EIF2AK4: variants seen among roughly 807,000 people sequenced by gnomAD.
EIF2AK4 encodes eukaryotic translation initiation factor 2 alpha kinase 4.
EIF2AK4 carries 139 observed loss-of-function variants against 211.1 expected under a neutral mutation model. That is an observed-to-expected ratio of 0.66 (90% CI 0.57 to 0.76). The LOEUF (loss-of-function observed/expected upper bound fraction) is 0.76. Ranked by LOEUF, EIF2AK4 falls within the 30% of genes least tolerant of loss-of-function variation. The probability of loss-of-function intolerance (pLI) is 0.00; values close to 1 mark genes in which losing one functional copy is unlikely to be tolerated. For missense variants in EIF2AK4, 1,664 were observed against 2,043.8 expected (o/e 0.81, Z 3.58); for synonymous variants, 710 against 751.3 (o/e 0.94, Z 0.90).
At chr15:39,974,640 T>C (rs778642543) in intron 11 of EIF2AK4, 1 of 152,240 alleles carries the variant, frequency 6.6e-6, no homozygotes, top group Non-Finnish European at 1.5e-5. Context: ...TAACACAATA[T>C]CATTTTGATC....
rs751247185 is a variant in EIF2AK4 at position 39,976,730 on chromosome 15, G to GCACT, written c.2136_2139dup (p.Ser714HisfsTer21). 4 of 1,602,116 alleles carry GCACT rather than the reference G, an allele frequency of 2.5e-6. No individual in the cohort carries two copies. The highest frequency in any genetic ancestry group is 3.4e-6 in the Non-Finnish European group (4 of 1,177,296). Reference sequence around the variant, plus strand: ...ATCCTCAGCAGCTCGGTGGAGTGGAGCACTTCGGGCGAGCGCTCGGCCAGT... The same window carrying GCACT: ...ATCCTCAGCAGCTCGGTGGAGTGGAGCACTCACTTCGGGCGAGCGCTCGGCCAGT... On this transcript the variant is annotated frameshift_variant, in exon 12 of 39. Transcript: ENST00000263791. LOFTEE classifies it high-confidence loss of function.
chr15:39,965,787 A>G lies in EIF2AK4; in HGVS notation c.961A>G (p.Met321Val). 1 of 1,614,102 alleles carries G rather than the reference A, an allele frequency of 6.2e-7. No homozygotes were observed. Among genetic ancestry groups the G allele is most frequent in the Non-Finnish European group, 8.5e-7 (1 of 1,179,964 alleles). ...GTGGGTCCTTCAGTGGCAGAAAAAA[A>G]TGGGTCCATTCCTTACCAGTCAAGA... ...YEWVLQWQKKMGPFLTSQEKE... is the reference protein window; with the variant it reads ...YEWVLQWQKKVGPFLTSQEKE... Residue 321 changes from methionine to valine, a missense_variant, in exon 8 of 39, where the codon ATG becomes GTG. By Grantham distance (21) the Met-to-Val change is conservative (BLOSUM62 1). Coordinates refer to ENST00000263791, the MANE Select transcript of EIF2AK4 (RefSeq NM_001013703.4).
At position 39,955,624 on chromosome 15, in the gene EIF2AK4, G is replaced by T; in HGVS notation, c.599G>T (p.Arg200Leu). The change falls in exon 6 of 39, where the codon CGT becomes CTT. Residue 200 changes from arginine (R) to leucine (L), a missense_variant. By Grantham distance (102) the Arg-to-Leu change is moderately radical (BLOSUM62 -2). Transcript: ENST00000263791. ...GTTTTACTTTTCTTGTTCTAGGAAC[G>T]TTTGGAAATTGCTAGTTTGTCAAAC... ...KKRKEMAKQE[R>L]LEIASLSNQD... 6.2e-7 allele frequency: 1 copy of T among 1,604,878 alleles called. No homozygotes were observed. The highest frequency in any genetic ancestry group is 8.5e-7 in the Non-Finnish European group (1 of 1,177,458).
At position 40,032,217 on chromosome 15, in the gene EIF2AK4, A is replaced by G. The variant is rs377282168; in HGVS notation, c.4708A>G (p.Ser1570Gly). 5.0e-6 allele frequency: 8 copies of G among 1,614,220 alleles called. No individual in the cohort carries two copies. The highest frequency in any genetic ancestry group is 6.8e-6 in the Non-Finnish European group (8 of 1,180,014). The stretch of plus-strand genomic sequence containing the variant: ...CCTTGCCAACTTACATCAGAAAAGC[A>G]GTGAAATTGAAATTCTGGCTGTAAG... ...TSLANLHQKSSEIEILAVDLP... is the reference protein window; with the variant it reads ...TSLANLHQKSGEIEILAVDLP... Residue 1570 changes from serine (S) to glycine (G), a missense_variant, in exon 36 of 39, where the codon AGT (serine) becomes GGT (glycine). Ser to Gly is a moderately conservative substitution (Grantham distance 56, BLOSUM62 0). Coordinates refer to ENST00000263791, the MANE Select transcript of EIF2AK4 (RefSeq NM_001013703.4).
At chr15:40,010,144 G>A (rs532328997) in intron 26 of EIF2AK4, among the ~76,000 whole-genome samples, 29 of 152,206 alleles carry the variant, frequency 1.9e-4, no homozygotes, top group Non-Finnish European at 3.5e-4. Context: ...CTGTGAGCTA[G>A]GCATTGTTCT....
At position 40,017,171 on chromosome 15, in the gene EIF2AK4, G is replaced by T. The variant is rs755189791; in HGVS notation, c.3994G>T (p.Val1332Leu). 1 of 1,614,022 alleles carries T rather than the reference G, an allele frequency of 6.2e-7. No homozygotes were observed. Among genetic ancestry groups the T allele is most frequent in the South Asian group, 1.1e-5 (1 of 91,076 alleles). The change falls in exon 29 of 39, where the codon GTG (valine) becomes TTG (leucine). Residue 1332 changes from valine (V) to leucine (L), a missense_variant. By Grantham distance (32) the Val-to-Leu change is conservative. Coordinates refer to ENST00000263791, the MANE Select transcript of EIF2AK4 (RefSeq NM_001013703.4). ...QQHNGIIFQF[V>L]AFIKRRQRAV... ...GCACAATGGAATCATCTTCCAGTTT[G>T]TGGCTTTCATCAAACGAAGGCAAAG...
intron 29 of EIF2AK4, among the ~76,000 whole-genome samples, chr15:40,018,706 T>G (rs1370817933): frequency 6.6e-6 from 1 of 152,176 alleles, no homozygotes; most frequent in Non-Finnish European, 1.5e-5. Flanking sequence ...ACTTAGTATA[T>G]CCAAAATATT....
chr15:39,978,168 T>C (rs1318005041), intron 13 of EIF2AK4, 21 bp downstream of exon 13: 2 of 1,306,808 alleles, frequency 1.5e-6, no homozygotes, highest in East Asian at 2.4e-5. Flanking sequence ...GAATAGAAAT[T>C]ATATCATTTT....
chr15:40,018,175 G>A (rs1236391613), intron 29 of EIF2AK4, among the ~76,000 whole-genome samples: 4 of 152,160 alleles, frequency 2.6e-5, no homozygotes, highest in Non-Finnish European at 4.4e-5. Context: ...AAAACTCAAG[G>A]GGAGAAGAAG....
At chr15:40,008,221 A>T (rs771533252) in intron 25 of EIF2AK4, 26 bp downstream of exon 25, 1 of 1,567,162 alleles carries the variant, frequency 6.4e-7, no homozygotes, top group Non-Finnish European at 8.6e-7. Context: ...TTAACATTCC[A>T]AGATTCCCCA....
chr15:40,023,138 A>G (rs998501041), intron 32 of EIF2AK4, among the ~76,000 whole-genome samples: 4 of 152,178 alleles, frequency 2.6e-5, no homozygotes, highest in African/African-American at 9.7e-5. Flanking sequence ...GTTTTTTCCT[A>G]CTTTTCTCCT....
chr15:40,006,982 G>C, intron 23 of EIF2AK4, 34 bp from the exon 24 acceptor site: 2 of 1,524,962 alleles, frequency 1.3e-6, no homozygotes, highest in Non-Finnish European at 1.8e-6. Context: ...GGCACATTTT[G>C]ACATTGACCT....
chr15:40,002,133 C>CA, intron 21 of EIF2AK4, among the ~76,000 whole-genome samples: 1 of 152,234 alleles, frequency 6.6e-6, no homozygotes, highest in Non-Finnish European at 1.5e-5. Context: ...AGAGACCAAA[C>CA]ACAATTTTTA....
chr15:39,958,123 C>T (rs1377873163), intron 6 of EIF2AK4, among the ~76,000 whole-genome samples: 1 of 152,200 alleles, frequency 6.6e-6, no homozygotes, highest in Non-Finnish European at 1.5e-5. Context: ...TACAGTTCAG[C>T]GTGAGGCTGT....
intron 13 of EIF2AK4, 105 bp downstream of exon 13, chr15:39,978,252 A>G: frequency 2.0e-6 from 1 of 511,160 alleles, no homozygotes; most frequent in Non-Finnish European, 3.3e-6. Context: ...ATATTCAGAT[A>G]TAGAAACCAT....
chr15:39,999,078 T>C lies in EIF2AK4; in HGVS notation c.2922+294T>C, dbSNP rs68131514. On this transcript the variant is annotated intron_variant, in intron 20 of 38. Transcript: ENST00000263791. ...CTTAGCTGTTGAAAAAAAAAAAGAA[T>C]CCTTTTACAACTCATTGTTTTTGAT... Among the ~76,000 whole-genome samples the C allele has an allele frequency of 0.088, 13,357 of 151,962 alleles. 1,095 individuals are homozygous for C. Among genetic ancestry groups the C allele is most frequent in the East Asian group, 0.23 (1,210 of 5,182 alleles).
At chr15:39,942,028 G>A (rs2034152012) in intron 2 of EIF2AK4, among the ~76,000 whole-genome samples, 1 of 152,124 alleles carries the variant, frequency 6.6e-6, no homozygotes, top group African/African-American at 2.4e-5. Context: ...AGGAAATAAA[G>A]AGAACATTAG....
Position 39,980,751 on chromosome 15 carries a change from C to T in EIF2AK4, c.2319+2604C>T, listed in dbSNP as rs548771553. 3.3e-5 allele frequency among the ~76,000 whole-genome samples: 5 copies of T among 152,262 alleles called. 1 individual carries two copies. The East Asian group carries it at 9.7e-4, about 29-fold the overall frequency. On this transcript the variant is annotated intron_variant, in intron 13 of 38. Coordinates refer to ENST00000263791, the MANE Select transcript of EIF2AK4 (RefSeq NM_001013703.4). ...TCACCCATGCTGGAGTGCAGTGGTG[C>T]AATCCTAGCTCACTGCAGCCTAGAA...
At chr15:39,990,112 C>T (rs1313086285) in intron 15 of EIF2AK4, among the ~76,000 whole-genome samples, 161 bp from the exon 16 acceptor site, 1 of 152,216 alleles carries the variant, frequency 6.6e-6, no homozygotes, top group African/African-American at 2.4e-5. Flanking sequence ...GGTCATAGGA[C>T]AGTCAGGACA....
Sources: gnomAD v4.1 joint callset for allele counts (sites outside exome capture counted in the v4.1 genomes callset) on GRCh38, gnomAD v4.1.1 for gene constraint, MANE v1.5 for transcripts, NCBI Gene and HGNC (gene_info 2026-07-23, HGNC 2026-07-21) for gene names.